JAM3: variants seen among roughly 807,000 people sequenced by gnomAD.
JAM3 encodes the protein junctional adhesion molecule C.
JAM3 carries 31 observed loss-of-function variants against 39.4 expected under a neutral mutation model. That is an observed-to-expected ratio of 0.79 (90% CI 0.59 to 1.06). JAM3 has a LOEUF of 1.06. Ranked by LOEUF, JAM3 falls within the 50% of genes least tolerant of loss-of-function variation. JAM3 has a pLI of 0.00. For missense variants in JAM3, 455 were observed against 391.4 expected (o/e 1.16, Z -1.37); for synonymous variants, 182 against 148.7 (o/e 1.22, Z -1.63).
intron 1 of JAM3, among the ~76,000 whole-genome samples, chr11:134,134,830 T>G (rs4264164): frequency 0.15 from 23,236 of 152,224 alleles, 1,943 homozygotes; most frequent in African/African-American, 0.22. Context: ...CTTTGCCCAT[T>G]TTAAAATTTG....
Position 134,104,210 on chromosome 11 carries a change from A to G in JAM3, c.76+35051A>G, listed in dbSNP as rs551170561. Reference sequence around the variant, plus strand: ...AACTCAGGATTAAGAAACTCACTCAAAACCACTTGACTACATGGAAACTGA... The same window carrying G: ...AACTCAGGATTAAGAAACTCACTCAGAACCACTTGACTACATGGAAACTGA... On this transcript the variant is annotated intron_variant, in intron 1 of 8. Transcript: ENST00000299106. Among the ~76,000 whole-genome samples the G allele has an allele frequency of 1.4e-4, 21 of 152,346 alleles. No homozygotes were observed. The South Asian group carries it at 3.5e-3, about 26-fold the overall frequency.
At chr11:134,108,753 TAAAA>T (rs933204162) in intron 1 of JAM3, among the ~76,000 whole-genome samples, 6 of 151,940 alleles carry the variant, frequency 3.9e-5, no homozygotes, top group African/African-American at 1.5e-4. Context: ...CCATTTATGA[TAAAA>T]AAAACTTTTG....
At chr11:134,082,799 C>A (rs1432997403) in intron 1 of JAM3, among the ~76,000 whole-genome samples, 1 of 151,938 alleles carries the variant, frequency 6.6e-6, no homozygotes, top group African/African-American at 2.4e-5. Flanking sequence ...GATTTATAAC[C>A]CCCCCAGAAG....
chr11:134,081,706 G>A (rs1439455814), intron 1 of JAM3, among the ~76,000 whole-genome samples: 2 of 152,244 alleles, frequency 1.3e-5, no homozygotes, highest in Admixed American at 6.5e-5. Context: ...GAAGGGAAAT[G>A]TGGGGTCAGA....
At chr11:134,107,513 T>C (rs1466779164) in intron 1 of JAM3, among the ~76,000 whole-genome samples, 1 of 151,888 alleles carries the variant, frequency 6.6e-6, no homozygotes, top group Non-Finnish European at 1.5e-5. Context: ...AAAAAGTGTT[T>C]TGAAGTGAAT....
chr11:134,073,734 A>G (rs1206333012), intron 1 of JAM3, among the ~76,000 whole-genome samples: 3 of 152,204 alleles, frequency 2.0e-5, no homozygotes, highest in African/African-American at 7.2e-5. Flanking sequence ...TATTTTCTCA[A>G]TGATAATAAA....
chr11:134,149,178 C>T lies in JAM3; in HGVS notation c.930C>T (p.Ile310=), dbSNP rs756663176. ...TCAGACACAAGTCATCGTTTGTGAT[C>T]TGAGACCCGCGGTGTGGCTGAGAGC... The part of the protein sequence containing the change: ...GDFRHKSSFV[I] Residue 310 remains isoleucine, a synonymous_variant, in exon 9 of 9, where the codon ATC becomes ATT. Transcript: ENST00000299106. The T allele has an allele frequency of 6.2e-7, 1 of 1,614,024 alleles. No homozygotes were observed. Among genetic ancestry groups the T allele is most frequent in the South Asian group, 1.1e-5 (1 of 91,078 alleles).
intron 1 of JAM3, among the ~76,000 whole-genome samples, chr11:134,091,645 T>A (rs1941856898): frequency 2.0e-5 from 3 of 149,762 alleles, no homozygotes; most frequent in Admixed American, 1.3e-4. Flanking sequence ...AAAAAAAAAT[T>A]GTTGTCATCT....
At chr11:134,076,355 A>G (rs1941570066) in intron 1 of JAM3, among the ~76,000 whole-genome samples, 1 of 151,880 alleles carries the variant, frequency 6.6e-6, no homozygotes, top group East Asian at 1.9e-4. Context: ...GGGTTTCTCC[A>G]TGTTGATCAG....
At chr11:134,088,491 T>G (rs1232656856) in intron 1 of JAM3, among the ~76,000 whole-genome samples, 1 of 152,186 alleles carries the variant, frequency 6.6e-6, no homozygotes, top group Admixed American at 6.5e-5. Flanking sequence ...GAAGGTTATA[T>G]TCTTTAAGGA....
chr11:134,149,213 G>C lies in JAM3; in HGVS notation c.*32G>C, dbSNP rs772909517. The C allele has an allele frequency of 6.2e-7, 1 of 1,613,572 alleles. No homozygotes were observed. Among genetic ancestry groups the C allele is most frequent in the East Asian group, 2.2e-5 (1 of 44,888 alleles). ...CGGTGTGGCTGAGAGCGCACAGAGC[G>C]CACGTGCACATACCTCTGCTAGAAA... On this transcript the variant is annotated 3_prime_UTR_variant, in exon 9 of 9. Transcript: ENST00000299106.
At position 134,150,242 on chromosome 11, in the gene JAM3, A is replaced by G. The variant is rs772013571; in HGVS notation, c.*1061A>G. On this transcript the variant is annotated 3_prime_UTR_variant, in exon 9 of 9. Transcript: ENST00000299106. The stretch of plus-strand genomic sequence containing the variant: ...AAACCTTTAAAAATTCCAGTTAAGC[A>G]ATGTTGAAATCAGTTTGCATCTCTT... The G allele has an allele frequency of 1.3e-5, 2 of 152,422 alleles. No homozygotes were observed. Among genetic ancestry groups the G allele is most frequent in the African/African-American group, 2.4e-5 (1 of 41,474 alleles). The allele number at this position is 152,422 out of a possible 1,614,324, so 9.4% of individuals were successfully genotyped here. A position where few individuals can be genotyped will look rare whatever the true frequency, so the allele number is the denominator to read the frequency against.
At chr11:134,083,854 C>A (rs899712756) in intron 1 of JAM3, among the ~76,000 whole-genome samples, 5 of 152,130 alleles carry the variant, frequency 3.3e-5, no homozygotes, top group African/African-American at 1.2e-4. Context: ...TGGCAGAAAT[C>A]GCTGGATTTG....
chr11:134,150,861 G>T lies in JAM3; in HGVS notation c.*1680G>T, dbSNP rs1410162688. On this transcript the variant is annotated 3_prime_UTR_variant, in exon 9 of 9. Coordinates refer to ENST00000299106, the MANE Select transcript of JAM3 (RefSeq NM_032801.5). ...AGTCCAGCCTTTTAAAGAACGTCAG[G>T]TGGAGCAGCCAGGTGAAAGGCCTGG... 6.6e-6 allele frequency: 1 copy of T among 152,200 alleles called. No individual in the cohort carries two copies. Among genetic ancestry groups the T allele is most frequent in the African/African-American group, 2.4e-5 (1 of 41,442 alleles). The allele number at this position is 152,200 out of a possible 1,614,324, so 9.4% of individuals were successfully genotyped here.
intron 2 of JAM3, 32 bp from the exon 3 acceptor site, chr11:134,140,625 A>G: frequency 6.4e-7 from 1 of 1,567,056 alleles, no homozygotes; most frequent in Non-Finnish European, 8.8e-7. Flanking sequence ...CTCCACATTC[A>G]CCGAGAGCTC....
intron 1 of JAM3, among the ~76,000 whole-genome samples, chr11:134,075,527 C>T (rs670332): frequency 0.38 from 57,489 of 151,590 alleles, 11,547 homozygotes; most frequent in African/African-American, 0.53. Flanking sequence ...TGACAGAATA[C>T]CACAAACAGG....
intron 1 of JAM3, among the ~76,000 whole-genome samples, chr11:134,074,641 T>G (rs1941535564): frequency 6.6e-6 from 1 of 152,180 alleles, no homozygotes; most frequent in Non-Finnish European, 1.5e-5. Flanking sequence ...GCCTCCCCCC[T>G]TCTTTTTGAA....
chr11:134,130,212 AC>A (rs1942742483), intron 1 of JAM3, among the ~76,000 whole-genome samples: 1 of 152,206 alleles, frequency 6.6e-6, no homozygotes, highest in Non-Finnish European at 1.5e-5. Context: ...ATGCCAGTTT[AC>A]CGACTTACAG....
intron 1 of JAM3, among the ~76,000 whole-genome samples, chr11:134,103,075 TTGAAA>T (rs1942107478): frequency 6.6e-6 from 1 of 151,862 alleles, no homozygotes; most frequent in African/African-American, 2.4e-5. Flanking sequence ...TTCACCAAAG[TTGAAA>T]TGAAGGAAAA....
Sources: gnomAD v4.1 joint callset for allele counts (sites outside exome capture counted in the v4.1 genomes callset) on GRCh38, gnomAD v4.1.1 for gene constraint, MANE v1.5 for transcripts, NCBI Gene and HGNC (gene_info 2026-07-23, HGNC 2026-07-21) for gene names.